Variants in TSPAN14 observed in about 807,000 individuals in gnomAD.
TSPAN14 encodes the protein tetraspanin-14.
TSPAN14 carries 16 observed loss-of-function variants against 36.6 expected under a neutral mutation model. The ratio of observed to expected loss-of-function variants is 0.44; its 90% CI spans 0.30 to 0.66. The LOEUF (loss-of-function observed/expected upper bound fraction) is 0.66. TSPAN14 is among the 30% of genes least tolerant of loss of function. The pLI is 0.12. For missense variants in TSPAN14, 231 were observed against 355.1 expected, an observed-to-expected ratio of 0.65 and a Z score of 2.81; for synonymous variants, 139 against 143.8, an observed-to-expected ratio of 0.97 and a Z score of 0.24.
chr10:80,496,993 G>A (rs1377501343), intron 2 of TSPAN14, among the ~76,000 whole-genome samples: 2 of 151,622 alleles, frequency 1.3e-5, no homozygotes, highest in Admixed American at 6.6e-5. Flanking sequence ...TGCCTATCTA[G>A]TAACTTTTGA....
In TSPAN14 at chr10:80,510,991, G is replaced by A. The variant is rs1306445423; in HGVS notation, c.451-1153G>A. 3.3e-5 allele frequency among the ~76,000 whole-genome samples: 5 copies of A among 152,340 alleles called. No individual in the cohort carries two copies. In the East Asian group the frequency reaches 9.6e-4, roughly 29 times the overall value. On this transcript the variant is annotated intron_variant, in intron 5 of 8. Transcript: ENST00000429989. ...ATTTCAGGTAATCACTAAAGCAAGT[G>A]GAACCGTGGAGGTGTGGGGGAGACA...
chr10:80,454,624 G>A (rs1845647028), intron 1 of TSPAN14, among the ~76,000 whole-genome samples: 1 of 151,998 alleles, frequency 6.6e-6, no homozygotes. Context: ...GCGCGGACGA[G>A]AGCCGCGGCG....
Position 80,456,099 on chromosome 10 carries a change from A to G in TSPAN14, c.-18+1728A>G, listed in dbSNP as rs140498675. ...TTGAGATTTCTGTGGGGTGCGAGGC[A>G]TTGTTGCAGGCACTATTCCAAGTCT... On this transcript the variant is annotated intron_variant, in intron 1 of 8. Transcript: ENST00000429989. Among the ~76,000 whole-genome samples the G allele has an allele frequency of 2.3e-3, 347 of 152,300 alleles. 3 individuals are homozygous for G. Among genetic ancestry groups the G allele is most frequent in the African/African-American group, 7.8e-3 (325 of 41,544 alleles).
chr10:80,495,911 C>G (rs895765382), intron 2 of TSPAN14, among the ~76,000 whole-genome samples: 7 of 152,168 alleles, frequency 4.6e-5, no homozygotes, highest in African/African-American at 1.7e-4. Context: ...CCTTGTGCCC[C>G]TACAGTCATG....
At position 80,507,385 on chromosome 10, in the gene TSPAN14, A is replaced by G. The variant is rs1564741631; in HGVS notation, c.279+11A>G. 1 of 1,614,164 alleles carries G rather than the reference A, an allele frequency of 6.2e-7. No homozygotes were observed. Among genetic ancestry groups the G allele is most frequent in the South Asian group, 1.1e-5 (1 of 91,086 alleles). ...TGCTTGCTCAACTTTGTGAGTGGCC[A>G]CAGAGACAAGAGTGGGATAGGATGC... On this transcript the variant is annotated intron_variant, in intron 4 of 8. Coordinates refer to ENST00000429989, the Ensembl canonical transcript of TSPAN14.
At chr10:80,504,640 C>T in intron 2 of TSPAN14, 88 bp from the exon 3 acceptor site, 1 of 1,513,718 alleles carries the variant, frequency 6.6e-7, no homozygotes, top group Non-Finnish European at 9.2e-7. Flanking sequence ...CATGCCCTAC[C>T]TGGCAGTGTG....
At chr10:80,505,705 C>A (rs907850447) in intron 3 of TSPAN14, among the ~76,000 whole-genome samples, 1 of 152,180 alleles carries the variant, frequency 6.6e-6, no homozygotes, top group Non-Finnish European at 1.5e-5. Flanking sequence ...CCCTTTGCCC[C>A]AGTGACCCAG....
At chr10:80,510,320 T>C (rs886949294) in intron 5 of TSPAN14, among the ~76,000 whole-genome samples, 1 of 152,250 alleles carries the variant, frequency 6.6e-6, no homozygotes, top group Non-Finnish European at 1.5e-5. Context: ...CTTTATTTCA[T>C]GTATTATGGG....
rs2131959393 is a variant in TSPAN14, at chr10:80,464,685, CCATGTG to C, written c.-18+10317_-18+10322del. On this transcript the variant is annotated intron_variant, in intron 1 of 8. Coordinates refer to ENST00000429989, the Ensembl canonical transcript of TSPAN14. ...GTCCCCGTGAGAAGGCCAGAGCTTC[CCATGTG>C]CAGCTCATTGTCTGGGCCTGGGTCC... 1.3e-5 allele frequency among the ~76,000 whole-genome samples: 2 copies of C among 152,300 alleles called. 1 individual carries two copies. Among genetic ancestry groups the C allele is most frequent in the South Asian group, 4.1e-4 (2 of 4,828 alleles).
intron 4 of TSPAN14, among the ~76,000 whole-genome samples, chr10:80,508,282 AT>A (rs925317527): frequency 4.6e-5 from 7 of 150,782 alleles, no homozygotes; most frequent in Admixed American, 4.6e-4. Context: ...TGCCTGGCTA[AT>A]TTTTTTTTGT....
chr10:80,512,045 C>T lies in TSPAN14; in HGVS notation c.451-99C>T, dbSNP rs925361836. 44 of 1,561,288 alleles carry T rather than the reference C, an allele frequency of 2.8e-5. No individual in the cohort carries two copies. The East Asian group carries it at 4.8e-4, about 17-fold the overall frequency. ...CTTGATTTCTCTGCATGGTAGATGC[C>T]GGCAGACTTAGCCTGGCATCACTAT... On this transcript the variant is annotated intron_variant, in intron 5 of 8. Transcript: ENST00000429989.
intron 4 of TSPAN14, 122 bp downstream of exon 4, chr10:80,507,496 G>C: frequency 7.2e-7 from 1 of 1,389,330 alleles, no homozygotes; most frequent in South Asian, 1.3e-5. Context: ...CTAGGCCCCT[G>C]CCTGGGAGCA....
chr10:80,512,980 C>T (rs949286379), intron 6 of TSPAN14, among the ~76,000 whole-genome samples: 2 of 152,174 alleles, frequency 1.3e-5, no homozygotes, highest in Admixed American at 1.3e-4. Context: ...ACTGTACAAC[C>T]ATTGCTTCCC....
exon 9 of TSPAN14, chr10:80,519,616 A>G (rs1371684805): frequency 6.6e-6 from 1 of 151,120 alleles, no homozygotes; most frequent in Non-Finnish European, 1.5e-5. Context: ...TTTATGGAAT[A>G]TATCTTTATA....
exon 9 of TSPAN14, chr10:80,520,379 G>A (rs1326031311): frequency 1.0e-5 from 4 of 394,864 alleles, no homozygotes; most frequent in African/African-American, 2.1e-5. Context: ...GATGAGAGCC[G>A]GTCACGTGGC....
chr10:80,515,917 T>G, intron 7 of TSPAN14: 3 of 387,006 alleles, frequency 7.8e-6, no homozygotes, highest in Non-Finnish European at 9.4e-6. Context: ...CAGATGTGGA[T>G]GGTGGGGAAG....
At chr10:80,462,024 C>A (rs1288935689) in intron 1 of TSPAN14, among the ~76,000 whole-genome samples, 2 of 152,044 alleles carry the variant, frequency 1.3e-5, no homozygotes, top group African/African-American at 4.8e-5. Flanking sequence ...AGTGATCCTC[C>A]CGCCTCAGCC....
chr10:80,509,191 C>CAG lies in TSPAN14; in HGVS notation c.280-107_280-106dup, dbSNP rs1840468464. The CAG allele has an allele frequency of 1.6e-6, 2 of 1,231,074 alleles. No individual in the cohort carries two copies. Among genetic ancestry groups the CAG allele is most frequent in the South Asian group, 2.9e-5 (2 of 68,300 alleles). 76.3% of individuals were successfully genotyped at this position (1,231,074 alleles called of 1,614,324 possible). On this transcript the variant is annotated intron_variant, in intron 4 of 8. Transcript: ENST00000429989. This position sits in a 1 kb window ranked among gnomAD's most constrained non-coding sequence, Gnocchi z 4.7. ...GGCCCCGATGTGGGACTCTCAGGTG[C>CAG]AGAGCCCACGCTCTGCTGAGGATGG...
intron 2 of TSPAN14, among the ~76,000 whole-genome samples, chr10:80,496,806 A>G (rs1444058270): frequency 6.6e-6 from 1 of 151,240 alleles, no homozygotes; most frequent in African/African-American, 2.5e-5. Context: ...TAGTCGTTAC[A>G]TTTAGGTATT....
Sources: allele counts gnomAD v4.1 joint callset (sites outside exome capture counted in the v4.1 genomes callset), GRCh38; gene constraint gnomAD v4.1.1; non-coding constraint Gnocchi (gnomAD v3.1); transcripts MANE v1.5; gene names NCBI Gene and HGNC (gene_info 2026-07-23, HGNC 2026-07-21).